Variants in MAGOH observed in about 807,000 individuals in gnomAD.
MAGOH encodes protein mago nashi homolog.
In MAGOH, 3 loss-of-function variants were observed where a neutral mutation model predicts 20.9. The observed-to-expected ratio is 0.14, with a 90% CI of 0.07 to 0.37. The LOEUF (loss-of-function observed/expected upper bound fraction) is 0.37, where lower values mean the gene tolerates loss of function less well. Ranked by LOEUF, MAGOH falls within the 10% of genes least tolerant of loss-of-function variation. The pLI is 1.00. For synonymous variants in MAGOH, 51 were observed against 61.0 expected (o/e 0.84, Z 0.76); for missense variants, 66 against 178.1 (o/e 0.37, Z 3.58).
At chr1:53,230,603 TTTTC>T (rs1645581789) in intron 3 of MAGOH, among the ~76,000 whole-genome samples, 1 of 151,834 alleles carries the variant, frequency 6.6e-6, no homozygotes, top group African/African-American at 2.4e-5. Context: ...GTTTTTTTTT[TTTTC>T]TTTGTAGAAA....
At chr1:53,235,737 G>A in intron 1 of MAGOH, 102 bp from the exon 2 acceptor site, 1 of 828,092 alleles carries the variant, frequency 1.2e-6, no homozygotes, top group South Asian at 1.5e-5. Context: ...TATCTAACTT[G>A]CTAAAAGTGT....
At chr1:53,227,418 G>T (rs6670999) in intron 4 of MAGOH, among the ~76,000 whole-genome samples, 43,434 of 152,094 alleles carry the variant, frequency 0.29, 6,756 homozygotes, top group East Asian at 0.51. Flanking sequence ...CTGCAAGATA[G>T]TAATAATGGT....
intron 1 of MAGOH, among the ~76,000 whole-genome samples, chr1:53,238,155 G>A (rs187775059): frequency 2.9e-3 from 444 of 152,328 alleles, no homozygotes; most frequent in African/African-American, 9.9e-3. Flanking sequence ...ACAGAGCCTG[G>A]CACACAGTGG....
intron 3 of MAGOH, among the ~76,000 whole-genome samples, chr1:53,229,928 C>CAAACAA (rs137956029): frequency 0.086 from 13,010 of 152,074 alleles, 743 homozygotes; most frequent in Non-Finnish European, 0.13. Flanking sequence ...CCAACAACAA[C>CAAACAA]AAACAAAAAC....
At chr1:53,227,190 A>G (rs1557726723) in intron 4 of MAGOH, 46 bp from the exon 5 acceptor site, 1 of 1,049,494 alleles carries the variant, frequency 9.5e-7, no homozygotes, top group Non-Finnish European at 1.4e-6. Flanking sequence ...ACTTTGACCC[A>G]TCAAGTGTCC....
intron 1 of MAGOH, among the ~76,000 whole-genome samples, chr1:53,237,439 C>A (rs1645617638): frequency 6.6e-6 from 1 of 150,838 alleles, no homozygotes; most frequent in African/African-American, 2.4e-5. Context: ...CTTTGGGACG[C>A]CGAGGCGGGC....
intron 1 of MAGOH, among the ~76,000 whole-genome samples, chr1:53,236,185 AG>A (rs1480934124): frequency 1.3e-5 from 2 of 152,238 alleles, no homozygotes; most frequent in African/African-American, 4.8e-5. Context: ...AGAAGGAAAT[AG>A]AAGACATGTA....
chr1:53,234,904 G>A (rs772033856), intron 2 of MAGOH, among the ~76,000 whole-genome samples: 11 of 152,252 alleles, frequency 7.2e-5, no homozygotes, highest in Admixed American at 5.2e-4. Flanking sequence ...ACAGAACGGA[G>A]AATACAAACT....
intron 4 of MAGOH, among the ~76,000 whole-genome samples, chr1:53,228,263 C>T (rs1047141206): frequency 3.9e-4 from 60 of 152,124 alleles, no homozygotes; most frequent in African/African-American, 1.3e-3. Flanking sequence ...AACCCTGTCT[C>T]TACTAAAAAT....
At chr1:53,227,284 AC>A (rs1645565176) in intron 4 of MAGOH, 140 bp from the exon 5 acceptor site, 1 of 478,248 alleles carries the variant, frequency 2.1e-6, no homozygotes, top group African/African-American at 2.0e-5. Flanking sequence ...GGAAATGCTT[AC>A]ATTAAGTGAA....
At chr1:53,233,684 T>C in intron 2 of MAGOH, 32 bp from the exon 3 acceptor site, 1 of 1,388,464 alleles carries the variant, frequency 7.2e-7, no homozygotes, top group South Asian at 1.2e-5. Context: ...AAATGTATGT[T>C]GTATCCTTAA....
intron 3 of MAGOH, among the ~76,000 whole-genome samples, chr1:53,231,255 T>A (rs1037007985): frequency 6.6e-6 from 1 of 152,222 alleles, no homozygotes; most frequent in Admixed American, 6.5e-5. Flanking sequence ...CGGGACAGTC[T>A]TTTTATTAAT....
In MAGOH at chr1:53,226,940, A is replaced by C. The variant is rs527423382; in HGVS notation, c.*105T>G. 1 of 639,246 alleles carries C rather than the reference A, an allele frequency of 1.6e-6. No homozygotes were observed. Among genetic ancestry groups the C allele is most frequent in the Non-Finnish European group, 2.7e-6 (1 of 366,764 alleles). 39.6% of individuals were successfully genotyped at this position (639,246 alleles called of 1,614,324 possible). A position where few individuals can be genotyped will look rare whatever the true frequency, so the allele number is the denominator to read the frequency against. On this transcript the variant is annotated 3_prime_UTR_variant, in exon 5 of 5. Transcript: ENST00000371470. ...AATAATAAAAATTGGATTTTATCAC[A>C]TATTTATTAAAGACAATCATTTATA...
chr1:53,233,762 C>T, intron 2 of MAGOH, 110 bp from the exon 3 acceptor site: 1 of 743,344 alleles, frequency 1.3e-6, no homozygotes, highest in Non-Finnish European at 2.4e-6. Flanking sequence ...TTTCTGGCAT[C>T]TCCTTAAGTG....
Position 53,227,007 on chromosome 1 carries a change from A to C in MAGOH, c.*38T>G. On this transcript the variant is annotated 3_prime_UTR_variant, in exon 5 of 5. Coordinates refer to ENST00000371470, the MANE Select transcript of MAGOH (RefSeq NM_002370.4). ...TGCCCTGATATACACAAAATTTTCT[A>C]CTCCCACCCACCCCCCATGTCCACA... 1.4e-5 allele frequency: 13 copies of C among 959,238 alleles called. No individual in the cohort carries two copies. Among genetic ancestry groups the C allele is most frequent in the Non-Finnish European group, 1.8e-5 (11 of 624,052 alleles). The allele number at this position is 959,238 out of a possible 1,614,324, so 59.4% of individuals were successfully genotyped here.
chr1:53,232,125 G>A (rs1417290534), intron 3 of MAGOH, among the ~76,000 whole-genome samples: 1 of 152,030 alleles, frequency 6.6e-6, no homozygotes, highest in African/African-American at 2.4e-5. Flanking sequence ...TTTATAAGTG[G>A]TAAAGCAAAA....
intron 3 of MAGOH, among the ~76,000 whole-genome samples, chr1:53,230,084 G>C (rs1645578771): frequency 6.6e-6 from 1 of 152,184 alleles, no homozygotes; most frequent in Non-Finnish European, 1.5e-5. Flanking sequence ...TCTATGTGTA[G>C]CCTACTGGGT....
chr1:53,230,179 T>A (rs1297450105), intron 3 of MAGOH, among the ~76,000 whole-genome samples: 3 of 152,256 alleles, frequency 2.0e-5, no homozygotes, highest in African/African-American at 4.8e-5. Context: ...CATATTCTTG[T>A]GAGGCCTATT....
intron 3 of MAGOH, among the ~76,000 whole-genome samples, chr1:53,229,351 AC>A (rs1645575190): frequency 6.6e-6 from 1 of 151,962 alleles, no homozygotes; most frequent in African/African-American, 2.4e-5. Context: ...GGTGCCCGCC[AC>A]CACGCCCGGC....
Sources: allele counts gnomAD v4.1 joint callset (sites outside exome capture counted in the v4.1 genomes callset), GRCh38; gene constraint gnomAD v4.1.1; transcripts MANE v1.5; gene names NCBI Gene and HGNC (gene_info 2026-07-23, HGNC 2026-07-21).